The following ARHGAP44 variants were observed in gnomAD, a reference collection of about 807,000 sequenced individuals.
ARHGAP44 encodes the protein Rho GTPase activating protein 44.
Under a neutral mutation model 106.8 loss-of-function variants are expected in ARHGAP44, and 43 were observed. The observed-to-expected ratio is 0.40, with a 90% CI of 0.32 to 0.52. ARHGAP44 has a LOEUF of 0.52. Ranked by LOEUF, ARHGAP44 falls within the 20% of genes least tolerant of loss-of-function variation. ARHGAP44 has a pLI of 0.48. For synonymous variants in ARHGAP44, 439 were observed against 410.3 expected, an observed-to-expected ratio of 1.07 and a Z score of -0.85; for missense variants, 866 against 1,050.5, an observed-to-expected ratio of 0.82 and a Z score of 2.43.
At chr17:12,838,218 C>G (rs913586534) in intron 1 of ARHGAP44, among the ~76,000 whole-genome samples, 2 of 152,178 alleles carry the variant, frequency 1.3e-5, no homozygotes, top group Non-Finnish European at 2.9e-5. Context: ...TTCCCAAGAC[C>G]TGAAACGATT....
intron 1 of ARHGAP44, among the ~76,000 whole-genome samples, chr17:12,826,820 C>T (rs2034933405): frequency 1.3e-5 from 2 of 152,228 alleles, no homozygotes; most frequent in Non-Finnish European, 2.9e-5. Context: ...TTTATGGGCT[C>T]ATGCCAGATA....
chr17:12,804,309 G>T (rs1391122667), intron 1 of ARHGAP44, among the ~76,000 whole-genome samples: 1 of 152,196 alleles, frequency 6.6e-6, no homozygotes, highest in Non-Finnish European at 1.5e-5. Context: ...CTGGAGGGAG[G>T]GGTTGCAGAG....
Position 12,903,738 on chromosome 17 carries a change from C to T in ARHGAP44, c.199-5159C>T, listed in dbSNP as rs139188374. Among the ~76,000 whole-genome samples the T allele has an allele frequency of 3.8e-3, 580 of 152,134 alleles. 3 individuals are homozygous for T. The highest frequency in any genetic ancestry group is 0.013 in the African/African-American group (532 of 41,502). On this transcript the variant is annotated intron_variant, in intron 3 of 20. Transcript: ENST00000379672. ...TGTACCCAATGTGTAATCTTTTATC[C>T]CTCACCCTCCTCCCACCCTTTCCCC...
chr17:12,942,292 G>T (rs190715123), intron 8 of ARHGAP44, among the ~76,000 whole-genome samples: 1 of 152,136 alleles, frequency 6.6e-6, no homozygotes, highest in Non-Finnish European at 1.5e-5. Flanking sequence ...GACTACAGGC[G>T]CATGCCGCCA....
intron 1 of ARHGAP44, among the ~76,000 whole-genome samples, chr17:12,848,957 A>G (rs1275034989): frequency 6.6e-6 from 1 of 151,874 alleles, no homozygotes; most frequent in African/African-American, 2.4e-5. Context: ...CTGAGGCAGG[A>G]GAATTGCTTG....
chr17:12,941,687 G>A (rs2038713208), intron 8 of ARHGAP44, among the ~76,000 whole-genome samples: 1 of 152,128 alleles, frequency 6.6e-6, no homozygotes, highest in South Asian at 2.1e-4. Context: ...GATTGATGTG[G>A]CCTGTTGGCC....
In ARHGAP44 at chr17:12,915,450, T is replaced by C. The variant is rs77892544; in HGVS notation, c.276-450T>C. ...TAATCAACTTTTGGATTTTTTTTCA[T>C]TGGATAATTGTCTATATATCCATGT... On this transcript the variant is annotated intron_variant, in intron 4 of 20. Transcript: ENST00000379672. Among the ~76,000 whole-genome samples the C allele has an allele frequency of 3.8e-3, 581 of 152,358 alleles. 18 individuals carry two copies. In the East Asian group the frequency reaches 0.069, roughly 18 times the overall value.
chr17:12,850,177 A>G (rs1046093908), intron 1 of ARHGAP44, among the ~76,000 whole-genome samples: 3 of 152,214 alleles, frequency 2.0e-5, no homozygotes, highest in Non-Finnish European at 4.4e-5. Flanking sequence ...AACCAGCTCC[A>G]TTTAATAGAC....
Position 12,851,623 on chromosome 17 carries a change from AC to A in ARHGAP44, c.54-43316del, listed in dbSNP as rs375478803. Among the ~76,000 whole-genome samples, 928 of 152,098 alleles carry A rather than the reference AC, an allele frequency of 6.1e-3. 14 individuals carry two copies. The highest frequency in any genetic ancestry group is 0.022 in the African/African-American group (895 of 41,494). Reference sequence around the variant, plus strand: ...CTAAGTTGGTATTTTTAGTAGAGAAACGGTTTCACCATGTTAGTCATGGCTG... The same window carrying A: ...CTAAGTTGGTATTTTTAGTAGAGAAAGGTTTCACCATGTTAGTCATGGCTG... On this transcript the variant is annotated intron_variant, in intron 1 of 20. Coordinates refer to ENST00000379672, the MANE Select transcript of ARHGAP44 (RefSeq NM_014859.6).
At chr17:12,903,557 A>G (rs1237850502) in intron 3 of ARHGAP44, among the ~76,000 whole-genome samples, 1 of 152,172 alleles carries the variant, frequency 6.6e-6, no homozygotes, top group Middle Eastern at 3.2e-3. Context: ...ATTTTTGAGC[A>G]ATTTAATTCT....
chr17:12,831,633 G>C (rs1057066535), intron 1 of ARHGAP44, among the ~76,000 whole-genome samples: 3 of 152,146 alleles, frequency 2.0e-5, no homozygotes, highest in Non-Finnish European at 2.9e-5. Context: ...TCGAGGCCCT[G>C]TTCTTTCTGA....
chr17:12,990,186 T>C lies in ARHGAP44; in HGVS notation c.*15T>C, dbSNP rs1031665974. On this transcript the variant is annotated 3_prime_UTR_variant, in exon 21 of 21. Coordinates refer to ENST00000379672, the MANE Select transcript of ARHGAP44 (RefSeq NM_014859.6). ...CCGCCCTCTGACATGACACCGCCCA[T>C]CCTGCCTCGCGTGTACATACATCAC... The C allele has an allele frequency of 1.9e-6, 3 of 1,608,346 alleles. No individual in the cohort carries two copies. The highest frequency in any genetic ancestry group is 1.7e-6 in the Non-Finnish European group (2 of 1,175,494).
At chr17:12,799,286 T>TG (rs2034017465) in intron 1 of ARHGAP44, among the ~76,000 whole-genome samples, 1 of 152,218 alleles carries the variant, frequency 6.6e-6, no homozygotes, top group African/African-American at 2.4e-5. Flanking sequence ...ACATGAGCTC[T>TG]GGAATTTCAG....
intron 18 of ARHGAP44, among the ~76,000 whole-genome samples, chr17:12,978,817 T>A (rs2039761878): frequency 2.0e-5 from 3 of 151,834 alleles, no homozygotes; most frequent in African/African-American, 7.3e-5. Context: ...GCCTCCCGAG[T>A]GGCTGGGATT....
At chr17:12,909,087 G>A in intron 4 of ARHGAP44, 114 bp downstream of exon 4, 1 of 860,516 alleles carries the variant, frequency 1.2e-6, no homozygotes, top group East Asian at 2.8e-5. Context: ...GACTTTAGTG[G>A]AAAAAAGGAA....
chr17:12,970,365 CA>C (rs66577680), intron 16 of ARHGAP44, among the ~76,000 whole-genome samples: 5,482 of 54,832 alleles, frequency 0.1, 212 homozygotes, highest in African/African-American at 0.24. Context: ...GACCCTGTCT[CA>C]AAAAAAAAAA....
chr17:12,808,156 G>C (rs2034332514), intron 1 of ARHGAP44, among the ~76,000 whole-genome samples: 2 of 152,238 alleles, frequency 1.3e-5, no homozygotes, highest in South Asian at 4.1e-4. Context: ...CTCCGCCCTT[G>C]TGGATTTGCA....
chr17:12,888,229 G>C (rs778509822), intron 1 of ARHGAP44, among the ~76,000 whole-genome samples: 9 of 151,980 alleles, frequency 5.9e-5, no homozygotes, highest in Non-Finnish European at 1.2e-4. Context: ...CTTTTCTAAT[G>C]TATAGATTTA....
chr17:12,963,046 CAAAAAAAAAAA>C (rs71369355), intron 16 of ARHGAP44, among the ~76,000 whole-genome samples: 7 of 70,962 alleles, frequency 9.9e-5, no homozygotes, highest in African/African-American at 3.9e-4. Context: ...AACACCATCT[CAAAAAAAAAAA>C]AAAAAAAAAA....
Sources: allele counts gnomAD v4.1 joint callset (sites outside exome capture counted in the v4.1 genomes callset), GRCh38; gene constraint gnomAD v4.1.1; transcripts MANE v1.5; gene names NCBI Gene and HGNC (gene_info 2026-07-23, HGNC 2026-07-21).